The following RYR2 variants were observed in gnomAD, a reference collection of about 807,000 sequenced individuals.
RYR2 encodes the protein ryanodine receptor 2.
In RYR2, 227 loss-of-function variants were observed where a neutral mutation model predicts 601.1. The ratio of observed to expected loss-of-function variants is 0.38; its 90% CI spans 0.34 to 0.42. The LOEUF (loss-of-function observed/expected upper bound fraction) is 0.42, where lower values mean the gene tolerates loss of function less well. Among genes scored for constraint, RYR2 ranks in the 10% least tolerant of loss-of-function variants. The probability of loss-of-function intolerance (pLI) is 1.00; values close to 1 mark genes in which losing one functional copy is unlikely to be tolerated. For missense variants in RYR2, 4,646 were observed against 6,156.5 expected (o/e 0.75, Z 8.21); for synonymous variants, 2,223 against 2,175.1 (o/e 1.02, Z -0.61).
intron 28 of RYR2, among the ~76,000 whole-genome samples, chr1:237,567,523 G>A (rs1475730041): frequency 2.0e-5 from 3 of 151,724 alleles, no homozygotes; most frequent in East Asian, 1.9e-4. Flanking sequence ...TCGGGAGGTC[G>A]AGGCTGCAAT....
Position 237,081,731 on chromosome 1 carries a change from A to T in RYR2, c.48+39162A>T, listed in dbSNP as rs955724338. Reference sequence around the variant, plus strand: ...TTTTATCAGGAACCTCGCCCTTCCCAGGAGACTTACCTCATTTATATGGAT... The same window carrying T: ...TTTTATCAGGAACCTCGCCCTTCCCTGGAGACTTACCTCATTTATATGGAT... On this transcript the variant is annotated intron_variant, in intron 1 of 104. Coordinates refer to ENST00000366574, the MANE Select transcript of RYR2 (RefSeq NM_001035.3). Among the ~76,000 whole-genome samples, 4 of 152,170 alleles carry T rather than the reference A, an allele frequency of 2.6e-5. No individual in the cohort carries two copies. In the East Asian group the frequency reaches 7.7e-4, roughly 29 times the overall value.
intron 28 of RYR2, among the ~76,000 whole-genome samples, chr1:237,567,023 A>G (rs1375185376): frequency 6.6e-6 from 1 of 152,218 alleles, no homozygotes; most frequent in Non-Finnish European, 1.5e-5. Flanking sequence ...TTGTCTATCA[A>G]AATGTTAAAG....
chr1:237,586,130 T>C (rs1294471282), intron 29 of RYR2, among the ~76,000 whole-genome samples: 1 of 152,194 alleles, frequency 6.6e-6, no homozygotes, highest in Non-Finnish European at 1.5e-5. Flanking sequence ...AATCAACTTT[T>C]TGTTTTGAGG....
intron 2 of RYR2, among the ~76,000 whole-genome samples, chr1:237,306,210 A>C (rs529984948): frequency 4.6e-4 from 70 of 152,324 alleles, no homozygotes; most frequent in South Asian, 1.9e-3. Context: ...ATAATTTTCT[A>C]TCTGTTTACC....
rs1173745370 is a variant in RYR2 at position 237,610,730 on chromosome 1, A to G, written c.4684-32A>G. On this transcript the variant is annotated intron_variant, in intron 35 of 104. Coordinates refer to ENST00000366574, the MANE Select transcript of RYR2 (RefSeq NM_001035.3). The surrounding 1 kb of genome is among the most constrained non-coding windows in gnomAD (Gnocchi z 4.9). Reference sequence around the variant, plus strand: ...TTGTGAACCCCAAGGGATGTTCTACATTTATTCTTTTTCTGCCTCCCCATC... The same window carrying G: ...TTGTGAACCCCAAGGGATGTTCTACGTTTATTCTTTTTCTGCCTCCCCATC... 6.5e-7 allele frequency: 1 copy of G among 1,532,412 alleles called. No individual in the cohort carries two copies. The highest frequency in any genetic ancestry group is 2.4e-5 in the East Asian group (1 of 41,776). 94.9% of individuals were successfully genotyped at this position (1,532,412 alleles called of 1,614,324 possible).
chr1:237,593,568 C>T lies in RYR2; in HGVS notation c.4368C>T (p.Gly1456=). The change falls in exon 33 of 105, where the codon GGC becomes GGT. Residue 1456 remains glycine, a synonymous_variant. Coordinates refer to ENST00000366574, the MANE Select transcript of RYR2 (RefSeq NM_001035.3). ...ITSDFHQYDT[G]FDLDRVRTVT... is the part of the protein sequence containing the mutation. ...CAGATTTCCATCAGTATGACACAGG[C>T]TTTGACTTGGACAGAGTTCGCACAG... 6 of 1,613,830 alleles carry T rather than the reference C, an allele frequency of 3.7e-6. No homozygotes were observed. Among genetic ancestry groups the T allele is most frequent in the Non-Finnish European group, 5.1e-6 (6 of 1,179,836 alleles).
At chr1:237,676,515 T>C (rs1360822539) in intron 60 of RYR2, among the ~76,000 whole-genome samples, 1 of 152,152 alleles carries the variant, frequency 6.6e-6, no homozygotes, top group Admixed American at 6.6e-5. Context: ...CTCCTGATGT[T>C]GTGTGTACCG....
rs1364635346 is a variant in RYR2 at position 237,377,541 on chromosome 1, A to G, written c.576+106A>G. 3 of 806,306 alleles carry G rather than the reference A, an allele frequency of 3.7e-6. No individual in the cohort carries two copies. The East Asian group carries it at 8.2e-5, about 22-fold the overall frequency. 49.9% of individuals were successfully genotyped at this position (806,306 alleles called of 1,614,324 possible). On this transcript the variant is annotated intron_variant, in intron 8 of 104. Coordinates refer to ENST00000366574, the MANE Select transcript of RYR2 (RefSeq NM_001035.3). ...TGTAAATTATCTATGAAAATTGCTT[A>G]TAACCATTCCTCTATCTCTATTAGA...
Position 237,785,998 on chromosome 1 carries a change from AGAAAAAGAAGAAACCAAATCTGAACCT to A in RYR2, c.13298_13324del (p.Glu4433_Lys4441del). The A allele has an allele frequency of 6.3e-7, 1 of 1,591,984 alleles. No homozygotes were observed. ...AGAAGGCAAAAGAAGAAGAAAAGGA[AGAAAAAGAAGAAACCAAATCTGAACCT>A]GAAAAAGCCGAGTATGTATAGTTTG... On this transcript the variant is annotated inframe_deletion, in exon 91 of 105. Coordinates refer to ENST00000366574, the MANE Select transcript of RYR2 (RefSeq NM_001035.3).
chr1:237,148,525 AAAAT>A (rs1192360143), intron 1 of RYR2, among the ~76,000 whole-genome samples: 2,289 of 81,506 alleles, frequency 0.028, 54 homozygotes, highest in South Asian at 0.13. Context: ...TAAAAAAAAA[AAAAT>A]ATATATATAT....
chr1:237,384,889 ATTAT>A (rs1469654595), intron 8 of RYR2, among the ~76,000 whole-genome samples: 2 of 148,484 alleles, frequency 1.3e-5, no homozygotes, highest in Non-Finnish European at 3.0e-5. Flanking sequence ...TTATTTATTT[ATTAT>A]TTTATTTTTT....
chr1:237,611,206 G>A (rs1212312399), intron 36 of RYR2, among the ~76,000 whole-genome samples: 1 of 152,164 alleles, frequency 6.6e-6, no homozygotes, highest in African/African-American at 2.4e-5. Context: ...TTATTCTGTA[G>A]TTGAAGATGC....
At chr1:237,373,014 A>C (rs1210430775) in intron 6 of RYR2, among the ~76,000 whole-genome samples, 2 of 152,238 alleles carry the variant, frequency 1.3e-5, no homozygotes, top group African/African-American at 4.8e-5. Flanking sequence ...AGTTATAGGT[A>C]CAGTGCCTAA....
intron 11 of RYR2, 104 bp downstream of exon 11, chr1:237,417,227 C>G: frequency 1.2e-6 from 1 of 818,168 alleles, no homozygotes. Context: ...AGCAAGCAAG[C>G]GAACAAAGGA....
At chr1:237,720,554 T>C (rs1193125129) in intron 73 of RYR2, among the ~76,000 whole-genome samples, 1 of 152,226 alleles carries the variant, frequency 6.6e-6, no homozygotes, top group African/African-American at 2.4e-5. Context: ...TTATAAAGCC[T>C]CTATTGGAAC....
chr1:237,396,821 A>G (rs1376055130), intron 10 of RYR2, among the ~76,000 whole-genome samples: 1 of 152,214 alleles, frequency 6.6e-6, no homozygotes, highest in Non-Finnish European at 1.5e-5. Context: ...CACATTTTAT[A>G]TCAAATCTAA....
chr1:237,499,047 C>A (rs1664362218), intron 20 of RYR2, among the ~76,000 whole-genome samples: 1 of 151,652 alleles, frequency 6.6e-6, no homozygotes, highest in Admixed American at 6.6e-5. Context: ...TAACAGATAA[C>A]CTTCTTGGGG....
At chr1:237,429,171 T>C (rs1334588170) in intron 12 of RYR2, among the ~76,000 whole-genome samples, 2 of 152,098 alleles carry the variant, frequency 1.3e-5, no homozygotes, top group Non-Finnish European at 2.9e-5. Flanking sequence ...AAAGAATTGC[T>C]GCCATTCTGT....
At chr1:237,536,420 A>T (rs1304358681) in intron 25 of RYR2, among the ~76,000 whole-genome samples, 1 of 151,062 alleles carries the variant, frequency 6.6e-6, no homozygotes, top group Non-Finnish European at 1.5e-5. Context: ...AAAATACAAA[A>T]AATTAGCCGG....
Sources: gnomAD v4.1 joint callset for allele counts (sites outside exome capture counted in the v4.1 genomes callset) on GRCh38, gnomAD v4.1.1 for gene constraint, Gnocchi (gnomAD v3.1) non-coding constraint, MANE v1.5 for transcripts, NCBI Gene and HGNC (gene_info 2026-07-23, HGNC 2026-07-21) for gene names.